TRA2B: variants seen among roughly 807,000 people sequenced by gnomAD.
TRA2B encodes transformer-2 protein homolog beta.
Under a neutral mutation model 41.7 loss-of-function variants are expected in TRA2B, and 14 were observed. The ratio of observed to expected loss-of-function variants is 0.34; its 90% CI spans 0.22 to 0.53. TRA2B has a LOEUF of 0.53. Among genes scored for constraint, TRA2B ranks in the 20% least tolerant of loss-of-function variants. The probability of loss-of-function intolerance (pLI) is 0.95; values close to 1 mark genes in which losing one functional copy is unlikely to be tolerated. For synonymous variants in TRA2B, 130 were observed against 128.8 expected (o/e 1.01, Z -0.06); for missense variants, 167 against 396.8 (o/e 0.42, Z 4.92).
At position 185,936,025 on chromosome 3, in the gene TRA2B, G is replaced by A. The variant is rs990199444; in HGVS notation, c.36+1800C>T. On this transcript the variant is annotated intron_variant, in intron 1 of 8. Coordinates refer to ENST00000453386, the MANE Select transcript of TRA2B (RefSeq NM_004593.3). ...GAAAATTTCAAATTTCTCTTGAGCC[G>A]AGTCTCAAACTGGAACCTAGTTTCA... 9 of 985,224 alleles carry A rather than the reference G, an allele frequency of 9.1e-6. No individual in the cohort carries two copies. The South Asian group carries it at 1.4e-4, about 15-fold the overall frequency. 61.0% of individuals were successfully genotyped at this position (985,224 alleles called of 1,614,324 possible).
At chr3:185,920,482 T>A (rs1743678599) in intron 6 of TRA2B, among the ~76,000 whole-genome samples, 1 of 152,224 alleles carries the variant, frequency 6.6e-6, no homozygotes, top group African/African-American at 2.4e-5. Flanking sequence ...CCTATGCTGC[T>A]CAGGCTGGTC....
chr3:185,918,490 A>G lies in TRA2B; in HGVS notation c.783-52T>C, dbSNP rs149937016. 7.6e-4 allele frequency: 997 copies of G among 1,315,538 alleles called. 7 individuals carry two copies. In the African/African-American group the frequency reaches 0.013, roughly 17 times the overall value. The allele number at this position is 1,315,538 out of a possible 1,614,324, so 81.5% of individuals were successfully genotyped here. On this transcript the variant is annotated intron_variant, in intron 7 of 8. Coordinates refer to ENST00000453386, the MANE Select transcript of TRA2B (RefSeq NM_004593.3). ...AGTCTCAATAGATCACAATTAGACCAAACATATAAATTTATGACTATATAT... is the reference window on the plus strand; with the variant it reads ...AGTCTCAATAGATCACAATTAGACCGAACATATAAATTTATGACTATATAT...
intron 1 of TRA2B, chr3:185,934,313 T>G: frequency 1.0e-6 from 1 of 985,002 alleles, no homozygotes. Flanking sequence ...ACCACCTACG[T>G]TCGGATTTTA....
chr3:185,935,898 GAAAA>G, intron 1 of TRA2B: 1 of 984,120 alleles, frequency 1.0e-6, no homozygotes, highest in Non-Finnish European at 1.2e-6. Flanking sequence ...TCTTATGTAA[GAAAA>G]AAAACTCAAT....
chr3:185,936,616 T>C, intron 1 of TRA2B: 1 of 985,086 alleles, frequency 1.0e-6, no homozygotes, highest in South Asian at 4.7e-5. Flanking sequence ...ATTTACCTGA[T>C]AAATCATATT....
chr3:185,931,956 T>TAA (rs34361789), intron 1 of TRA2B: 170 of 509,020 alleles, frequency 3.3e-4, no homozygotes, highest in Non-Finnish European at 3.5e-4. Context: ...TGATTTGGAT[T>TAA]AAAAAAAAAA....
intron 3 of TRA2B, 127 bp from the exon 4 acceptor site, chr3:185,924,111 T>C (rs556844802): frequency 1.4e-6 from 1 of 709,514 alleles, no homozygotes; most frequent in African/African-American, 1.8e-5. Flanking sequence ...GACCAAACAC[T>C]GCTTAGAAAT....
intron 8 of TRA2B, 37 bp downstream of exon 8, chr3:185,918,328 C>G (rs1314803583): frequency 1.3e-6 from 2 of 1,495,320 alleles, no homozygotes; most frequent in South Asian, 1.1e-5. Flanking sequence ...GCAAGCCATA[C>G]TACAATATAA....
rs756707587 is a variant in TRA2B at position 185,926,750 on chromosome 3, A to T, written c.37-16T>A. On this transcript the variant is annotated splice_polypyrimidine_tract_variant and intron_variant, in intron 1 of 8. Coordinates refer to ENST00000453386, the MANE Select transcript of TRA2B (RefSeq NM_004593.3). Reference sequence around the variant, plus strand: ...AACGGGATTCCTACACGTAGATGTTAAAAGTTTAATTTGCACACTTTCTGG... The same window carrying T: ...AACGGGATTCCTACACGTAGATGTTTAAAGTTTAATTTGCACACTTTCTGG... 2 of 1,613,488 alleles carry T rather than the reference A, an allele frequency of 1.2e-6. No individual in the cohort carries two copies. The highest frequency in any genetic ancestry group is 1.7e-5 in the Admixed American group (1 of 59,948).
chr3:185,926,928 C>T, intron 1 of TRA2B, 194 bp from the exon 2 acceptor site: 2 of 615,882 alleles, frequency 3.2e-6, no homozygotes, highest in Non-Finnish European at 5.2e-6. Flanking sequence ...TTAACTTGTC[C>T]TTTCTTCCAC....
intron 3 of TRA2B, chr3:185,924,811 CA>C (rs11330882): frequency 0.12 from 18,471 of 151,832 alleles, 1,559 homozygotes; most frequent in African/African-American, 0.23. Context: ...GGCCCTGTCT[CA>C]AAAAAAGATG....
At chr3:185,925,353 A>G in intron 3 of TRA2B, 111 bp downstream of exon 3, 3 of 1,277,474 alleles carry the variant, frequency 2.3e-6, no homozygotes, top group Non-Finnish European at 3.2e-6. Flanking sequence ...AAGCCTCTGA[A>G]GATTTCACTC....
chr3:185,923,381 C>T (rs1320185356), intron 4 of TRA2B: 2 of 153,814 alleles, frequency 1.3e-5, no homozygotes, highest in Non-Finnish European at 2.9e-5. Flanking sequence ...GGGGTCTAGC[C>T]CCACATTTCA....
chr3:185,935,719 T>G, intron 1 of TRA2B: 1 of 985,432 alleles, frequency 1.0e-6, no homozygotes, highest in Non-Finnish European at 1.2e-6. Context: ...TCCATTGAGC[T>G]TTATGGTTTT....
chr3:185,927,390 C>T (rs1490410336), intron 1 of TRA2B: 3 of 152,186 alleles, frequency 2.0e-5, no homozygotes, highest in Non-Finnish European at 1.5e-5. Flanking sequence ...GGAGCTACAA[C>T]AGAACAGCGA....
At chr3:185,936,103 T>G (rs1189033138) in intron 1 of TRA2B, 2 of 985,344 alleles carry the variant, frequency 2.0e-6, no homozygotes, top group South Asian at 4.7e-5. Context: ...CAATTTTCCA[T>G]TCTCAAGCAT....
intron 8 of TRA2B, 66 bp from the exon 9 acceptor site, chr3:185,917,791 C>T (rs751485734): frequency 7.5e-5 from 115 of 1,536,104 alleles, no homozygotes; most frequent in Middle Eastern, 5.1e-4. Flanking sequence ...ACTTTAATGC[C>T]GAGAATTTCA....
chr3:185,937,014 G>C, intron 1 of TRA2B: 1 of 985,392 alleles, frequency 1.0e-6, no homozygotes, highest in South Asian at 4.7e-5. Context: ...GCCGTAAATG[G>C]TTGCCCGCCA....
In TRA2B at chr3:185,923,878, A is replaced by G; in HGVS notation, c.440T>C (p.Val147Ala). Reference sequence around the variant, plus strand: ...AGACTGCTGGTCATATACAATAGACACATCGGCAATGGGACCATATTTAGA... The same window carrying G: ...AGACTGCTGGTCATATACAATAGACGCATCGGCAATGGGACCATATTTAGA... The part of the protein sequence containing the change: ...VFSKYGPIAD[V>A]SIVYDQQSRR... Residue 147 changes from valine to alanine, a missense_variant, in exon 4 of 9, where the codon GTG becomes GCG. This residue lies in a region of TRA2B where 20 missense variants were observed against 159.6 expected (regional missense o/e 0.13). Transcript: ENST00000453386. 6.2e-7 allele frequency: 1 copy of G among 1,614,188 alleles called. No individual in the cohort carries two copies. Among genetic ancestry groups the G allele is most frequent in the Non-Finnish European group, 8.5e-7 (1 of 1,180,022 alleles).
Sources: allele counts gnomAD v4.1 joint callset (sites outside exome capture counted in the v4.1 genomes callset), GRCh38; gene constraint gnomAD v4.1.1; regional missense constraint gnomAD v4.1.1; transcripts MANE v1.5; gene names NCBI Gene and HGNC (gene_info 2026-07-23, HGNC 2026-07-21).